Variants in TMEM80 observed in about 807,000 individuals in gnomAD.
The protein encoded by TMEM80 is transmembrane protein 80.
In TMEM80, 16 loss-of-function variants were observed where a neutral mutation model predicts 13.6. The ratio of observed to expected loss-of-function variants is 1.17; its 90% CI spans 0.79 to 1.78. The LOEUF (loss-of-function observed/expected upper bound fraction) is 1.78. Ranked by LOEUF, TMEM80 falls within the 40% of genes most tolerant of loss-of-function variation. TMEM80 has a pLI of 0.00. For synonymous variants in TMEM80, 92 were observed against 89.5 expected (o/e 1.03, Z -0.16); for missense variants, 167 against 184.6 (o/e 0.90, Z 0.55).
intron 1 of TMEM80, among the ~76,000 whole-genome samples, chr11:697,305 T>C (rs1861241987): frequency 6.6e-6 from 1 of 152,198 alleles, no homozygotes; most frequent in Non-Finnish European, 1.5e-5. Flanking sequence ...ATCTTGTCCA[T>C]TACATCAGGG....
chr11:698,915 C>T, intron 2 of TMEM80, 27 bp downstream of exon 2: 1 of 1,614,008 alleles, frequency 6.2e-7, no homozygotes, highest in East Asian at 2.2e-5. Flanking sequence ...CCCTCCAGGA[C>T]AGCACCCAGA....
At chr11:704,693 C>CGTG, downstream of TMEM80, 1 of 1,263,580 alleles carries the variant, frequency 7.9e-7, no homozygotes, top group African/African-American at 1.5e-5. Context: ...AGGCAGTGGT[C>CGTG]ACCTGTTCCA....
In TMEM80 at chr11:695,836, C is replaced by T. The variant is rs1170874631; in HGVS notation, c.9C>T (p.Ala3=). 1.6e-4 allele frequency: 201 copies of T among 1,230,280 alleles called. No homozygotes were observed. Among genetic ancestry groups the T allele is most frequent in the Non-Finnish European group, 2.0e-4 (197 of 986,264 alleles). The allele number at this position is 1,230,280 out of a possible 1,614,324, so 76.2% of individuals were successfully genotyped here. Residue 3 remains alanine, a synonymous_variant, in exon 1 of 5, where the codon GCC becomes GCT. Coordinates refer to ENST00000397510, the MANE Select transcript of TMEM80 (RefSeq NM_001042463.3). ...CGGGCGGGGCGGGTAAGATGGCGGC[C>T]CCGCGGCGAGGTGAGCTCGGGCGGG... MA[A]PRRGRGSSTV...
Position 695,848 on chromosome 11 carries a change from T to G in TMEM80, c.19+2T>G. On this transcript the variant is annotated splice_donor_variant, in intron 1 of 4. Coordinates refer to ENST00000397510, the MANE Select transcript of TMEM80 (RefSeq NM_001042463.3). LOFTEE classifies it high-confidence loss of function. ...GTAAGATGGCGGCCCCGCGGCGAGG[T>G]GAGCTCGGGCGGGGTGGGGGCTTCC... The G allele has an allele frequency of 2.4e-6, 3 of 1,228,436 alleles. No homozygotes were observed. The highest frequency in any genetic ancestry group is 3.0e-6 in the Non-Finnish European group (3 of 985,476). The allele number at this position is 1,228,436 out of a possible 1,614,324, so 76.1% of individuals were successfully genotyped here. A position where few individuals can be genotyped will look rare whatever the true frequency, so the allele number is the denominator to read the frequency against.
At chr11:702,833 G>T in intron 4 of TMEM80, 112 bp from the exon 5 acceptor site, 1 of 1,048,850 alleles carries the variant, frequency 9.5e-7, no homozygotes, top group Non-Finnish European at 1.4e-6. Context: ...GGCCCCGGAG[G>T]AACGTAGGGC....
At chr11:699,019 C>T in intron 2 of TMEM80, 131 bp downstream of exon 2, 1 of 1,083,384 alleles carries the variant, frequency 9.2e-7, no homozygotes, top group Admixed American at 1.7e-5. Context: ...GGGGGGTGTT[C>T]CTTGACAGAT....
chr11:701,693 G>C (rs144824884), intron 4 of TMEM80, among the ~76,000 whole-genome samples: 2,059 of 152,204 alleles, frequency 0.014, 51 homozygotes, highest in African/African-American at 0.047. Flanking sequence ...ACAGGCGTGA[G>C]CCACCGCGCC....
At chr11:700,018 A>G in intron 2 of TMEM80, 124 bp from the exon 3 acceptor site, 1 of 726,980 alleles carries the variant, frequency 1.4e-6, no homozygotes, top group African/African-American at 1.8e-5. Context: ...GCCATTGCCA[A>G]GACTCCATGG....
rs541289136 is a variant in TMEM80 at position 701,718 on chromosome 11, G to C, written c.226+1011G>C. Among the ~76,000 whole-genome samples the C allele has an allele frequency of 8.3e-3, 1,259 of 152,182 alleles. 15 individuals carry two copies. The highest frequency in any genetic ancestry group is 0.029 in the African/African-American group (1,198 of 41,530). On this transcript the variant is annotated intron_variant, in intron 4 of 4. Transcript: ENST00000397510. ...GCCACCGCGCCCGGCCGGAGACAGG[G>C]TTTCGCTATGTTACCCTGGTTGGTC...
At chr11:699,074 A>G (rs1166722239) in intron 2 of TMEM80, 186 bp downstream of exon 2, 2 of 698,920 alleles carry the variant, frequency 2.9e-6, no homozygotes, top group East Asian at 2.7e-5. Flanking sequence ...TGCTGGCTCC[A>G]TCCCCTACCT....
At chr11:695,806 AC>A (rs565786652), upstream of TMEM80, 36 of 1,234,202 alleles carry the variant, frequency 2.9e-5, no homozygotes, top group South Asian at 1.2e-3. Flanking sequence ...ATCGCGACGG[AC>A]CGGCGGGCGG....
At chr11:700,540 A>AAT (rs1861402980) in intron 3 of TMEM80, 75 bp from the exon 4 acceptor site, 8 of 1,193,912 alleles carry the variant, frequency 6.7e-6, no homozygotes, top group Non-Finnish European at 9.8e-6. Context: ...AAAAAAAAAA[A>AAT]GGAAAAGGCA....
At chr11:702,067 T>C (rs1861521961) in intron 4 of TMEM80, among the ~76,000 whole-genome samples, 1 of 152,194 alleles carries the variant, frequency 6.6e-6, no homozygotes, top group Admixed American at 6.5e-5. Flanking sequence ...TGGGCCCCTC[T>C]TGTTCACATA....
intron 2 of TMEM80, 98 bp from the exon 3 acceptor site, chr11:700,043 TG>T: frequency 1.1e-6 from 1 of 917,348 alleles, no homozygotes; most frequent in Non-Finnish European, 1.7e-6. Context: ...TTGGTGTCTG[TG>T]GCCACCAAAC....
chr11:700,286 G>A, intron 3 of TMEM80, 51 bp downstream of exon 3: 1 of 1,527,686 alleles, frequency 6.5e-7, no homozygotes, highest in Non-Finnish European at 9.0e-7. Context: ...CAACATTTTG[G>A]GAGGCTGAGG....
intron 4 of TMEM80, chr11:700,921 G>T: frequency 1.7e-6 from 1 of 599,328 alleles, no homozygotes; most frequent in Middle Eastern, 4.5e-4. Context: ...GGCATCGTTG[G>T]GAGAGACTCT....
Position 695,838 on chromosome 11 carries a change from CGCG to C in TMEM80, c.15_17del (p.Arg6del). On this transcript the variant is annotated inframe_deletion, in exon 1 of 5. Transcript: ENST00000397510. ...GGCGGGGCGGGTAAGATGGCGGCCC[CGCG>C]GCGAGGTGAGCTCGGGCGGGGTGGG... The C allele has an allele frequency of 8.1e-7, 1 of 1,230,122 alleles. No homozygotes were observed. Among genetic ancestry groups the C allele is most frequent in the Non-Finnish European group, 1.0e-6 (1 of 986,158 alleles). 76.2% of individuals were successfully genotyped at this position (1,230,122 alleles called of 1,614,324 possible). A position where few individuals can be genotyped will look rare whatever the true frequency, so the allele number is the denominator to read the frequency against.
rs144761121 is a variant in TMEM80 at position 700,025 on chromosome 11, A to G, written c.40-117A>G. 2.0e-3 allele frequency: 1,570 copies of G among 769,864 alleles called. 2 individuals carry two copies. Among genetic ancestry groups the G allele is most frequent in the Non-Finnish European group, 2.9e-3 (1,308 of 457,592 alleles). The allele number at this position is 769,864 out of a possible 1,614,324, so 47.7% of individuals were successfully genotyped here. ...GGCAGTGAGCCATTGCCAAGACTCCATGGTCCCTTGGTGTCTGTGGCCACC... is the reference window on the plus strand; with the variant it reads ...GGCAGTGAGCCATTGCCAAGACTCCGTGGTCCCTTGGTGTCTGTGGCCACC... On this transcript the variant is annotated intron_variant, in intron 2 of 4. Transcript: ENST00000397510.
chr11:701,075 C>T (rs2133467070), intron 4 of TMEM80: 1 of 289,278 alleles, frequency 3.5e-6, no homozygotes, highest in East Asian at 7.8e-5. Context: ...AGGAGAGAGC[C>T]CTGGAGAGTT....
Sources: gnomAD v4.1 joint callset for allele counts (sites outside exome capture counted in the v4.1 genomes callset) on GRCh38, gnomAD v4.1.1 for gene constraint, MANE v1.5 for transcripts, NCBI Gene and HGNC (gene_info 2026-07-23, HGNC 2026-07-21) for gene names.